The following FABP12 variants were observed in gnomAD, a reference collection of about 807,000 sequenced individuals.
The protein encoded by FABP12 is fatty acid binding protein 12, also known as fatty acid-binding protein 12.
A neutral mutation model predicts 13.7 loss-of-function variants in FABP12; 19 were observed. The ratio of observed to expected loss-of-function variants is 1.39; its 90% CI spans 0.97 to 2.04. FABP12 has a LOEUF of 2.04. FABP12 is among the 30% of genes most tolerant of loss of function. The pLI is 0.00. For synonymous variants in FABP12, 61 were observed against 57.0 expected, an observed-to-expected ratio of 1.07 and a Z score of -0.32; for missense variants, 182 against 164.2, an observed-to-expected ratio of 1.11 and a Z score of -0.59.
chr8:81,531,818 T>G (rs1809083421), intron 1 of FABP12, among the ~76,000 whole-genome samples: 1 of 152,222 alleles, frequency 6.6e-6, no homozygotes, highest in South Asian at 2.1e-4. Flanking sequence ...TAGATGGTAC[T>G]TGACATTTGA....
intron 1 of FABP12, among the ~76,000 whole-genome samples, chr8:81,583,783 A>G (rs1225722052): frequency 6.6e-6 from 1 of 152,176 alleles, no homozygotes; most frequent in African/African-American, 2.4e-5. Flanking sequence ...AACTAACACT[A>G]GTTTTCTTCA....
At chr8:81,546,698 A>G (rs1447549611) in intron 1 of FABP12, among the ~76,000 whole-genome samples, 1 of 152,194 alleles carries the variant, frequency 6.6e-6, no homozygotes, top group Non-Finnish European at 1.5e-5. Flanking sequence ...TCAAAATATA[A>G]TTTAAGGTTT....
chr8:81,589,936 T>A (rs936606437), intron 1 of FABP12, among the ~76,000 whole-genome samples: 1 of 152,228 alleles, frequency 6.6e-6, no homozygotes, highest in African/African-American at 2.4e-5. Context: ...AATTCCAACA[T>A]GAAAAATTCC....
At chr8:81,525,422 A>G (rs2129911763) in intron 4 of FABP12, among the ~76,000 whole-genome samples, 1 of 152,160 alleles carries the variant, frequency 6.6e-6, no homozygotes, top group African/African-American at 2.4e-5. Flanking sequence ...AGGCTGAGGC[A>G]GGAGAATCAC....
intron 2 of FABP12, among the ~76,000 whole-genome samples, chr8:81,530,213 T>C (rs1393415183): frequency 6.6e-6 from 1 of 152,172 alleles, no homozygotes; most frequent in Non-Finnish European, 1.5e-5. Flanking sequence ...ATATGTTATA[T>C]CTACTGTTTT....
At chr8:81,570,085 C>T (rs1257946911) in intron 1 of FABP12, among the ~76,000 whole-genome samples, 2 of 152,238 alleles carry the variant, frequency 1.3e-5, no homozygotes, top group African/African-American at 2.4e-5. Context: ...TTGGTGCCAG[C>T]TTTCTGCAAG....
intron 1 of FABP12, among the ~76,000 whole-genome samples, chr8:81,540,966 G>C (rs1809326363): frequency 6.6e-6 from 1 of 152,078 alleles, no homozygotes; most frequent in Non-Finnish European, 1.5e-5. Context: ...AGGAGTTCAA[G>C]ACCAGTCTGG....
chr8:81,581,022 G>A (rs1425488888), intron 1 of FABP12, among the ~76,000 whole-genome samples: 2 of 152,044 alleles, frequency 1.3e-5, no homozygotes, highest in African/African-American at 4.8e-5. Flanking sequence ...GTAGGACTTT[G>A]CTTTTGACTG....
At chr8:81,548,346 A>G (rs1163482366) in intron 1 of FABP12, among the ~76,000 whole-genome samples, 1 of 152,224 alleles carries the variant, frequency 6.6e-6, no homozygotes, top group Non-Finnish European at 1.5e-5. Context: ...TTGTACAGAA[A>G]TGCATATAAA....
At chr8:81,545,114 G>T (rs1026895917) in intron 1 of FABP12, among the ~76,000 whole-genome samples, 3 of 152,060 alleles carry the variant, frequency 2.0e-5, no homozygotes, top group Non-Finnish European at 4.4e-5. Flanking sequence ...TCCACCTCTC[G>T]GGTTCAAGCG....
chr8:81,554,542 A>AT (rs1461535160), intron 1 of FABP12, among the ~76,000 whole-genome samples: 4 of 152,296 alleles, frequency 2.6e-5, no homozygotes, highest in African/African-American at 9.6e-5. Context: ...AAAGAATATT[A>AT]TTTTTATTCT....
At chr8:81,584,822 C>CT (rs1337415384) in intron 1 of FABP12, among the ~76,000 whole-genome samples, 1 of 152,088 alleles carries the variant, frequency 6.6e-6, no homozygotes, top group African/African-American at 2.4e-5. Context: ...AGATAATAAT[C>CT]TTTTTGAGGA....
chr8:81,564,175 C>A (rs193175318), intron 1 of FABP12, among the ~76,000 whole-genome samples: 2 of 151,964 alleles, frequency 1.3e-5, no homozygotes, highest in East Asian at 3.9e-4. Context: ...ACAAATACAT[C>A]CAGCAAAAAT....
intron 1 of FABP12, among the ~76,000 whole-genome samples, chr8:81,561,685 G>C (rs955330911): frequency 9.2e-5 from 14 of 152,160 alleles, no homozygotes; most frequent in Non-Finnish European, 1.9e-4. Flanking sequence ...ACTCAGTACT[G>C]CCCTGTCAAA....
chr8:81,526,902 A>G, intron 4 of FABP12, 118 bp downstream of exon 4: 1 of 612,648 alleles, frequency 1.6e-6, no homozygotes, highest in Non-Finnish European at 2.8e-6. Context: ...TTTTTTTCTC[A>G]TTCTTTAAAC....
intron 1 of FABP12, among the ~76,000 whole-genome samples, chr8:81,584,408 G>C (rs934220813): frequency 4.6e-5 from 7 of 152,162 alleles, no homozygotes; most frequent in Non-Finnish European, 1.0e-4. Context: ...ATAGGTAAAA[G>C]GTAAGTAAGC....
At chr8:81,556,612 T>C (rs1809620837) in intron 1 of FABP12, among the ~76,000 whole-genome samples, 1 of 151,440 alleles carries the variant, frequency 6.6e-6, no homozygotes, top group Non-Finnish European at 1.5e-5. Flanking sequence ...AAATATAAAA[T>C]ATTAAAGTAG....
At chr8:81,584,008 T>C (rs1810206272) in intron 1 of FABP12, among the ~76,000 whole-genome samples, 1 of 152,222 alleles carries the variant, frequency 6.6e-6, no homozygotes, top group African/African-American at 2.4e-5. Flanking sequence ...CAAGTGGATT[T>C]ATTCCAGGGA....
chr8:81,588,211 C>T (rs1182338033), intron 1 of FABP12, among the ~76,000 whole-genome samples: 3 of 152,200 alleles, frequency 2.0e-5, no homozygotes, highest in Non-Finnish European at 2.9e-5. Context: ...TCCTTCAATC[C>T]AATCAAATTG....
Sources: gnomAD v4.1 joint callset for allele counts (sites outside exome capture counted in the v4.1 genomes callset) on GRCh38, gnomAD v4.1.1 for gene constraint, MANE v1.5 for transcripts, NCBI Gene and HGNC (gene_info 2026-07-23, HGNC 2026-07-21) for gene names.